HTR7: variants seen among roughly 807,000 people sequenced by gnomAD.
HTR7 encodes the protein 5-hydroxytryptamine receptor 7.
HTR7 carries 16 observed loss-of-function variants against 34.0 expected under a neutral mutation model. The ratio of observed to expected loss-of-function variants is 0.47; its 90% CI spans 0.32 to 0.71. The LOEUF is 0.71. Among genes scored for constraint, HTR7 ranks in the 30% least tolerant of loss-of-function variants. The probability of loss-of-function intolerance (pLI) is 0.04; values close to 1 mark genes in which losing one functional copy is unlikely to be tolerated. For synonymous variants in HTR7, 265 were observed against 260.2 expected (o/e 1.02, Z -0.18); for missense variants, 504 against 625.5 (o/e 0.81, Z 2.07).
At chr10:90,781,149 G>A (rs1190765054) in intron 1 of HTR7, among the ~76,000 whole-genome samples, 1 of 152,162 alleles carries the variant, frequency 6.6e-6, no homozygotes. Context: ...AGTAATCATT[G>A]TTAAGTGTAT....
chr10:90,829,008 T>C (rs113191144), intron 1 of HTR7, among the ~76,000 whole-genome samples: 256 of 152,222 alleles, frequency 1.7e-3, no homozygotes, highest in African/African-American at 5.7e-3. Context: ...AAAAAAATCT[T>C]GCAAACCAAA....
In HTR7 at chr10:90,857,666, C is replaced by T. The variant is rs201619956; in HGVS notation, c.6G>A (p.Met2Ile). The change falls in exon 1 of 4, where the codon ATG becomes ATA. Residue 2 changes from methionine (M) to isoleucine (I), a missense_variant. By Grantham distance (10) the Met-to-Ile change is conservative (BLOSUM62 1). Transcript: ENST00000336152. The surrounding 1 kb of genome is among the most constrained non-coding windows in gnomAD (Gnocchi z 6.5). ...CCGGGCGGCCGCTGCTGTTAACGTC[C>T]ATCATCGCGCCGCCGTGTGCCGCTG... M[M>I]DVNSSGRPDL... 1.8e-4 allele frequency: 276 copies of T among 1,568,318 alleles called. No individual in the cohort carries two copies. Among genetic ancestry groups the T allele is most frequent in the Middle Eastern group, 1.1e-3 (5 of 4,396 alleles).
In HTR7 at chr10:90,749,536, C is replaced by T. The variant is rs753838268; in HGVS notation, c.598G>A (p.Ala200Thr). The T allele has an allele frequency of 6.2e-7, 1 of 1,613,936 alleles. No individual in the cohort carries two copies. Among genetic ancestry groups the T allele is most frequent in the African/African-American group, 1.3e-5 (1 of 74,912 alleles). Residue 200 changes from alanine (A) to threonine (T), a missense_variant, in exon 2 of 4, where the codon GCG becomes ACG. Physicochemically the swap from Ala to Thr is moderately conservative, Grantham distance 58. This residue lies in a region of HTR7 where 154 missense variants were observed against 248.8 expected (regional missense o/e 0.62). Coordinates refer to ENST00000336152, the MANE Select transcript of HTR7 (RefSeq NM_019859.4). The surrounding 1 kb of genome is among the most constrained non-coding windows in gnomAD (Gnocchi z 4.2). Reference sequence around the variant, plus strand: ...AGCCAGACGGAGAGAATCATCTTCGCCATGCATTTCCCATTCTGCCTCACA... The same window carrying T: ...AGCCAGACGGAGAGAATCATCTTCGTCATGCATTTCCCATTCTGCCTCACA... ...YPVRQNGKCM[A>T]KMILSVWLLS...
At chr10:90,758,674 C>T (rs568411920) in intron 1 of HTR7, among the ~76,000 whole-genome samples, 117 of 152,046 alleles carry the variant, frequency 7.7e-4, no homozygotes, top group Non-Finnish European at 1.4e-3. Flanking sequence ...CAAAAGGACA[C>T]ATAACATAGT....
chr10:90,800,534 T>C (rs1279383988), intron 1 of HTR7, among the ~76,000 whole-genome samples: 2 of 149,514 alleles, frequency 1.3e-5, no homozygotes, highest in Non-Finnish European at 3.0e-5. Flanking sequence ...TACTACCTTA[T>C]CTTCACATGT....
rs11186331 is a variant in HTR7, at chr10:90,843,961, G to A, written c.539+13172C>T. Among the ~76,000 whole-genome samples, 838 of 152,216 alleles carry A rather than the reference G, an allele frequency of 5.5e-3. 6 individuals carry two copies. Among genetic ancestry groups the A allele is most frequent in the East Asian group, 0.024 (123 of 5,182 alleles). ...CTGTATCCATAAATAAAGCTTTATT[G>A]GAACACAGCCACACCCACACATTTG... On this transcript the variant is annotated intron_variant, in intron 1 of 3. Transcript: ENST00000336152.
At chr10:90,801,421 A>G (rs970508508) in intron 1 of HTR7, among the ~76,000 whole-genome samples, 5 of 152,218 alleles carry the variant, frequency 3.3e-5, no homozygotes, top group Non-Finnish European at 4.4e-5. Flanking sequence ...CCAGCTGGTT[A>G]AAAGAAATCA....
At chr10:90,826,923 C>T (rs928913852) in intron 1 of HTR7, among the ~76,000 whole-genome samples, 3 of 150,994 alleles carry the variant, frequency 2.0e-5, no homozygotes, top group Non-Finnish European at 4.4e-5. Flanking sequence ...GGTGACACAG[C>T]GAGACTCCAT....
chr10:90,770,433 C>T (rs914701532), intron 1 of HTR7, among the ~76,000 whole-genome samples: 9 of 152,240 alleles, frequency 5.9e-5, no homozygotes, highest in Admixed American at 2.6e-4. Flanking sequence ...ATGGAGAGGG[C>T]GGGGCTCCCA....
chr10:90,828,362 C>A (rs1397373539), intron 1 of HTR7, among the ~76,000 whole-genome samples: 4 of 152,092 alleles, frequency 2.6e-5, no homozygotes, highest in Middle Eastern at 3.4e-3. Flanking sequence ...AATATCAGAG[C>A]AGAAATAAAT....
intron 1 of HTR7, among the ~76,000 whole-genome samples, chr10:90,776,952 A>G (rs1845223381): frequency 6.6e-6 from 1 of 152,230 alleles, no homozygotes. Context: ...AGAATTCATT[A>G]TGGCATGGCA....
intron 1 of HTR7, among the ~76,000 whole-genome samples, chr10:90,781,426 A>T (rs1845304011): frequency 6.6e-6 from 1 of 152,370 alleles, no homozygotes; most frequent in African/African-American, 2.4e-5. Context: ...AGAGAAAAAA[A>T]GTCTTTCAGA....
chr10:90,829,886 T>G (rs900203803), intron 1 of HTR7, among the ~76,000 whole-genome samples: 2 of 151,804 alleles, frequency 1.3e-5, no homozygotes, highest in Non-Finnish European at 2.9e-5. Context: ...ACAAATAAAA[T>G]TAAATACCTA....
At position 90,793,458 on chromosome 10, in the gene HTR7, T is replaced by TTATA. The variant is rs11472590; in HGVS notation, c.540-43868_540-43865dup. On this transcript the variant is annotated intron_variant, in intron 1 of 3. Coordinates refer to ENST00000336152, the MANE Select transcript of HTR7 (RefSeq NM_019859.4). Reference sequence around the variant, plus strand: ...TATAGTAGTACATCAATATTTCTAATTATATATATATATATTTAGTATAGA... The same window carrying TTATA: ...TATAGTAGTACATCAATATTTCTAATTATATATATATATATATATTTAGTATAGA... Among the ~76,000 whole-genome samples the TTATA allele has an allele frequency of 3.2e-3, 470 of 145,728 alleles. 1 individual carries two copies. Among genetic ancestry groups the TTATA allele is most frequent in the South Asian group, 8.0e-3 (37 of 4,630 alleles).
intron 1 of HTR7, among the ~76,000 whole-genome samples, chr10:90,757,220 G>A (rs899992855): frequency 3.9e-5 from 6 of 152,204 alleles, no homozygotes; most frequent in African/African-American, 1.4e-4. Flanking sequence ...CAGTACTCAA[G>A]AAACAGGGTG....
intron 1 of HTR7, among the ~76,000 whole-genome samples, chr10:90,787,318 T>C (rs1018920873): frequency 2.0e-5 from 3 of 151,966 alleles, no homozygotes; most frequent in African/African-American, 7.2e-5. Context: ...TGAAACCCCG[T>C]CTCTATTAAA....
At chr10:90,836,556 C>T (rs183953496) in intron 1 of HTR7, among the ~76,000 whole-genome samples, 14 of 129,906 alleles carry the variant, frequency 1.1e-4, no homozygotes, top group African/African-American at 3.1e-4. Flanking sequence ...CTGTTGCTCA[C>T]GCTGGAGTAC....
At chr10:90,836,109 G>A (rs574118636) in intron 1 of HTR7, among the ~76,000 whole-genome samples, 13 of 152,230 alleles carry the variant, frequency 8.5e-5, no homozygotes, top group African/African-American at 2.9e-4. Flanking sequence ...ATGAATTCAA[G>A]CCACTGACTT....
intron 1 of HTR7, among the ~76,000 whole-genome samples, chr10:90,828,911 G>A (rs1182302482): frequency 6.6e-6 from 1 of 151,302 alleles, no homozygotes; most frequent in Non-Finnish European, 1.5e-5. Flanking sequence ...GAAGTCTCAG[G>A]GGGTTGAAAA....
Sources: gnomAD v4.1 joint callset for allele counts (sites outside exome capture counted in the v4.1 genomes callset) on GRCh38, gnomAD v4.1.1 for gene constraint, gnomAD v4.1.1 regional missense constraint, Gnocchi (gnomAD v3.1) non-coding constraint, MANE v1.5 for transcripts, NCBI Gene and HGNC (gene_info 2026-07-23, HGNC 2026-07-21) for gene names.